The following COX10 variants were observed in gnomAD, a reference collection of about 807,000 sequenced individuals.
The protein encoded by COX10 is cytochrome c oxidase assembly factor heme A:farnesyltransferase COX10.
In COX10, 27 loss-of-function variants were observed where a neutral mutation model predicts 37.3. The ratio of observed to expected loss-of-function variants is 0.72; its 90% CI spans 0.53 to 1.00. The LOEUF is 1.00. Ranked by LOEUF, COX10 falls within the 50% of genes least tolerant of loss-of-function variation. The pLI is 0.00. For synonymous variants in COX10, 222 were observed against 229.1 expected (o/e 0.97, Z 0.28); for missense variants, 475 against 563.2 (o/e 0.84, Z 1.59).
At chr17:14,196,503 G>A (rs1370247665) in intron 6 of COX10, among the ~76,000 whole-genome samples, 2 of 152,182 alleles carry the variant, frequency 1.3e-5, no homozygotes, top group Admixed American at 1.3e-4. Context: ...CCAGTCTAGA[G>A]TGGGGTGGGG....
intron 5 of COX10, among the ~76,000 whole-genome samples, chr17:14,185,769 C>T (rs1010864028): frequency 2.0e-5 from 3 of 149,246 alleles, no homozygotes; most frequent in African/African-American, 7.4e-5. Context: ...CTTTTTTCCT[C>T]TGCCTTATTT....
intron 5 of COX10, among the ~76,000 whole-genome samples, chr17:14,181,289 C>T (rs1160681748): frequency 1.3e-5 from 2 of 152,008 alleles, no homozygotes; most frequent in African/African-American, 4.8e-5. Flanking sequence ...AAAATAATGG[C>T]CAATAGACCA....
At chr17:14,072,867 A>T (rs925158430) in intron 1 of COX10, among the ~76,000 whole-genome samples, 1 of 152,170 alleles carries the variant, frequency 6.6e-6, no homozygotes, top group Non-Finnish European at 1.5e-5. Context: ...CTGTTGTACA[A>T]AGGTGGTGAG....
chr17:14,114,581 G>A (rs189346963), intron 4 of COX10, among the ~76,000 whole-genome samples: 57 of 152,184 alleles, frequency 3.7e-4, no homozygotes, highest in African/African-American at 1.3e-3. Context: ...AAAGCCTCAA[G>A]TTGCCAGCGG....
At chr17:14,200,712 A>G (rs1006490397) in intron 6 of COX10, among the ~76,000 whole-genome samples, 6 of 152,258 alleles carry the variant, frequency 3.9e-5, no homozygotes, top group Non-Finnish European at 2.9e-5. Flanking sequence ...ACTAGCAAGT[A>G]TTTGATTAAC....
chr17:14,115,588 T>C (rs1421983258), intron 4 of COX10, among the ~76,000 whole-genome samples: 3 of 152,130 alleles, frequency 2.0e-5, no homozygotes, highest in Non-Finnish European at 4.4e-5. Flanking sequence ...CTCATATGTT[T>C]ATCACCGCCC....
rs549063032 is a variant in COX10, at chr17:14,203,865, C to T, written c.929-2945C>T. 7.6e-4 allele frequency among the ~76,000 whole-genome samples: 115 copies of T among 152,278 alleles called. No individual in the cohort carries two copies. The Middle Eastern group carries it at 0.014, about 18-fold the overall frequency. Reference sequence around the variant, plus strand: ...AAATAGGACTGTGGTTACAAATTCTCAACCTCTTCTCTCCCTGGGCAGGAT... The same window carrying T: ...AAATAGGACTGTGGTTACAAATTCTTAACCTCTTCTCTCCCTGGGCAGGAT... On this transcript the variant is annotated intron_variant, in intron 6 of 6. Coordinates refer to ENST00000261643, the MANE Select transcript of COX10 (RefSeq NM_001303.4).
In COX10 at chr17:14,176,554, A is replaced by C. The variant is rs1647622061; in HGVS notation, c.696-15435A>C. ...TTAGGCTTTTCTTTTGTTCCCTCTT[A>C]ATTTAACTGAGTGATTCTCAAACTC... On this transcript the variant is annotated intron_variant, in intron 5 of 6. Coordinates refer to ENST00000261643, the MANE Select transcript of COX10 (RefSeq NM_001303.4). Among the ~76,000 whole-genome samples, 4 of 152,212 alleles carry C rather than the reference A, an allele frequency of 2.6e-5. No individual in the cohort carries two copies. The South Asian group carries it at 8.3e-4, about 32-fold the overall frequency.
At position 14,206,852 on chromosome 17, in the gene COX10, C is replaced by T; in HGVS notation, c.971C>T (p.Pro324Leu). Residue 324 changes from proline (P) to leucine (L), a missense_variant, in exon 7 of 7, where the codon CCT becomes CTT. This residue lies in a region of COX10 where 160 missense variants were observed against 180.6 expected (regional missense o/e 0.89). Coordinates refer to ENST00000261643, the MANE Select transcript of COX10 (RefSeq NM_001303.4). ...GGAATCCTCTACTCCTGGCAGTTTC[C>T]TCATTTCAACGCCCTGAGCTGGGGC... Reference protein sequence around the residue: ...LGGILYSWQFPHFNALSWGLR... With the variant: ...LGGILYSWQFLHFNALSWGLR... 1 of 1,614,196 alleles carries T rather than the reference C, an allele frequency of 6.2e-7. No individual in the cohort carries two copies. Among genetic ancestry groups the T allele is most frequent in the African/African-American group, 1.3e-5 (1 of 75,066 alleles).
chr17:14,089,553 G>A (rs1915479780), intron 3 of COX10, among the ~76,000 whole-genome samples: 1 of 152,162 alleles, frequency 6.6e-6, no homozygotes, highest in African/African-American at 2.4e-5. Flanking sequence ...AAACCAGGTG[G>A]CAAAGCTGTT....
In COX10 at chr17:14,207,129, G is replaced by A. The variant is rs752455345; in HGVS notation, c.1248G>A (p.Leu416=). The A allele has an allele frequency of 4.3e-6, 7 of 1,612,190 alleles. No homozygotes were observed. Among genetic ancestry groups the A allele is most frequent in the Non-Finnish European group, 5.1e-6 (6 of 1,179,830 alleles). ...RSSRRLFFCS[L]WHLPLLLLLM... is the part of the protein sequence containing the mutation. ...CGCGGAGACTGTTCTTCTGCAGCCTGTGGCACCTGCCGCTGCTGCTGCTGC... is the reference window on the plus strand; with the variant it reads ...CGCGGAGACTGTTCTTCTGCAGCCTATGGCACCTGCCGCTGCTGCTGCTGC... The change falls in exon 7 of 7, where the codon CTG becomes CTA. Residue 416 remains leucine, a synonymous_variant. Transcript: ENST00000261643.
chr17:14,069,631 C>T lies in COX10; in HGVS notation c.26C>T (p.Ser9Phe), dbSNP rs769068107. 5.6e-6 allele frequency: 9 copies of T among 1,613,982 alleles called. No homozygotes were observed. The highest frequency in any genetic ancestry group is 4.5e-5 in the East Asian group (2 of 44,868). Residue 9 changes from serine to phenylalanine, a missense_variant, in exon 1 of 7, where the codon TCC becomes TTC. By Grantham distance (155) the Ser-to-Phe change is radical. Coordinates refer to ENST00000261643, the MANE Select transcript of COX10 (RefSeq NM_001303.4). ...ATGGCCGCATCTCCGCACACTCTCT[C>T]CTCACGCCTCCTGACAGGTACTGTA... MAASPHTL[S>F]SRLLTGCVGG...
At chr17:14,154,700 G>T (rs1172935687) in intron 4 of COX10, among the ~76,000 whole-genome samples, 1 of 152,186 alleles carries the variant, frequency 6.6e-6, no homozygotes, top group African/African-American at 2.4e-5. Context: ...AGTGCATGAT[G>T]TGCTACAGTC....
chr17:14,114,293 G>A lies in COX10; in HGVS notation c.624+12051G>A, dbSNP rs573961573. Reference sequence around the variant, plus strand: ...CTTTATAAATAAACACTTGAATTAGGCATTCAGCCAATTAACTCCAGTGTT... The same window carrying A: ...CTTTATAAATAAACACTTGAATTAGACATTCAGCCAATTAACTCCAGTGTT... On this transcript the variant is annotated intron_variant, in intron 4 of 6. Transcript: ENST00000261643. Among the ~76,000 whole-genome samples the A allele has an allele frequency of 3.0e-4, 46 of 152,030 alleles. 1 individual carries two copies. In the South Asian group the frequency reaches 3.5e-3, roughly 12 times the overall value.
chr17:14,207,319 A>G lies in COX10; in HGVS notation c.*106A>G. ...ATTGCTGGGTTTAGAACAAGATTAT[A>G]AACGAATTCGGTGCTCAGTGATCAC... On this transcript the variant is annotated 3_prime_UTR_variant, in exon 7 of 7. Transcript: ENST00000261643. The G allele has an allele frequency of 7.2e-7, 1 of 1,394,492 alleles. No homozygotes were observed. Among genetic ancestry groups the G allele is most frequent in the South Asian group, 1.6e-5 (1 of 64,098 alleles). 86.4% of individuals were successfully genotyped at this position (1,394,492 alleles called of 1,614,324 possible).
At chr17:14,125,837 G>A (rs1175411689) in intron 4 of COX10, among the ~76,000 whole-genome samples, 2 of 152,066 alleles carry the variant, frequency 1.3e-5, no homozygotes, top group Non-Finnish European at 2.9e-5. Flanking sequence ...ATTAGTCAAG[G>A]GCAAGAGCTT....
rs1267482329 is a variant in COX10 at position 14,175,093 on chromosome 17, G to T, written c.695+15146G>T. 1.8e-4 allele frequency among the ~76,000 whole-genome samples: 9 copies of T among 51,030 alleles called. 2 individuals are homozygous for T. The highest frequency in any genetic ancestry group is 1.9e-4 in the Non-Finnish European group (3 of 16,202). 33.5% of individuals were successfully genotyped at this position (51,030 alleles called of 152,430 possible). ...GTTACTGGGAAATAGCGGGGGGGGGGGGGGTGGATAGGAGGGAATTGGCTA... is the reference window on the plus strand; with the variant it reads ...GTTACTGGGAAATAGCGGGGGGGGGTGGGGTGGATAGGAGGGAATTGGCTA... On this transcript the variant is annotated intron_variant, in intron 5 of 6. Coordinates refer to ENST00000261643, the MANE Select transcript of COX10 (RefSeq NM_001303.4).
chr17:14,140,953 C>T (rs1904523405), intron 4 of COX10, among the ~76,000 whole-genome samples: 1 of 152,046 alleles, frequency 6.6e-6, no homozygotes, highest in Non-Finnish European at 1.5e-5. Flanking sequence ...ATTATTAAAA[C>T]TATCATTTTG....
chr17:14,159,535 G>A (rs1030259975), intron 4 of COX10, among the ~76,000 whole-genome samples: 6 of 152,262 alleles, frequency 3.9e-5, no homozygotes, highest in Admixed American at 1.3e-4. Flanking sequence ...GGCCTACTGC[G>A]GGAGTTGAGT....
Sources: gnomAD v4.1 joint callset for allele counts (sites outside exome capture counted in the v4.1 genomes callset) on GRCh38, gnomAD v4.1.1 for gene constraint, gnomAD v4.1.1 regional missense constraint, MANE v1.5 for transcripts, NCBI Gene and HGNC (gene_info 2026-07-23, HGNC 2026-07-21) for gene names.